Variants in NRG1 observed in about 807,000 individuals in gnomAD.
NRG1 encodes the protein neuregulin 1.
NRG1 carries 18 observed loss-of-function variants against 63.8 expected under a neutral mutation model. That is an observed-to-expected ratio of 0.28 (90% CI 0.19 to 0.42). NRG1 has a LOEUF of 0.42. Among genes scored for constraint, NRG1 ranks in the 10% least tolerant of loss-of-function variants. The probability of loss-of-function intolerance (pLI) is 1.00; values close to 1 mark genes in which losing one functional copy is unlikely to be tolerated. For missense variants in NRG1, 762 were observed against 814.7 expected (o/e 0.94, Z 0.79); for synonymous variants, 302 against 301.3 (o/e 1.00, Z -0.02).
intron 1 of NRG1, among the ~76,000 whole-genome samples, chr8:32,585,634 A>G (rs1414218554): frequency 6.6e-6 from 1 of 152,200 alleles, no homozygotes; most frequent in Non-Finnish European, 1.5e-5. Context: ...CATATGACAG[A>G]TAGACAGCTG....
At chr8:31,724,335 AATC>A (rs2131321429) in intron 1 of NRG1, among the ~76,000 whole-genome samples, 1 of 152,250 alleles carries the variant, frequency 6.6e-6, no homozygotes, top group African/African-American at 2.4e-5. Context: ...ACCCTGTCAG[AATC>A]ATCTACTGTA....
chr8:31,956,539 G>A (rs1319959097), intron 1 of NRG1, among the ~76,000 whole-genome samples: 1 of 152,126 alleles, frequency 6.6e-6, no homozygotes, highest in Non-Finnish European at 1.5e-5. Context: ...CACGGGAATG[G>A]TGTGAACCCA....
At chr8:31,657,684 T>G (rs1432064306) in intron 1 of NRG1, among the ~76,000 whole-genome samples, 1 of 152,234 alleles carries the variant, frequency 6.6e-6, no homozygotes, top group Non-Finnish European at 1.5e-5. Flanking sequence ...TAGAATTTAC[T>G]GAGTTTCTAT....
intron 1 of NRG1, among the ~76,000 whole-genome samples, chr8:32,401,576 C>G (rs771032360): frequency 6.6e-6 from 1 of 152,094 alleles, no homozygotes; most frequent in Non-Finnish European, 1.5e-5. Context: ...GAGTTCATGT[C>G]CTTTGAAGAA....
chr8:31,898,291 C>A (rs1321007783), intron 1 of NRG1, among the ~76,000 whole-genome samples: 1 of 152,132 alleles, frequency 6.6e-6, no homozygotes, highest in Non-Finnish European at 1.5e-5. Flanking sequence ...GAGTTTGACT[C>A]TTTGACAACT....
chr8:32,109,783 A>ATATG (rs1831765291), intron 1 of NRG1, among the ~76,000 whole-genome samples: 1 of 152,174 alleles, frequency 6.6e-6, no homozygotes, highest in Non-Finnish European at 1.5e-5. Context: ...GATATTAATA[A>ATATG]TATGACCTTT....
chr8:32,401,378 T>C (rs1479861317), intron 1 of NRG1, among the ~76,000 whole-genome samples: 1 of 152,148 alleles, frequency 6.6e-6, no homozygotes, highest in Non-Finnish European at 1.5e-5. Flanking sequence ...AGTACCCCAT[T>C]CCCTGTTCCT....
At chr8:32,446,814 G>T (rs543990912) in intron 1 of NRG1, among the ~76,000 whole-genome samples, 1 of 152,066 alleles carries the variant, frequency 6.6e-6, no homozygotes, top group South Asian at 2.1e-4. Context: ...TGAATAAAAG[G>T]CTTAAGAGGA....
At chr8:31,703,598 G>A (rs1810843365) in intron 1 of NRG1, among the ~76,000 whole-genome samples, 1 of 152,294 alleles carries the variant, frequency 6.6e-6, no homozygotes, top group East Asian at 1.9e-4. Flanking sequence ...AAATGTATGA[G>A]CTATTAGCAC....
chr8:32,196,245 C>T (rs144142018), intron 1 of NRG1, among the ~76,000 whole-genome samples: 143 of 151,832 alleles, frequency 9.4e-4, no homozygotes, highest in South Asian at 2.1e-3. Context: ...GTGCTCTAGA[C>T]AGTCATGATA....
intron 5 of NRG1, among the ~76,000 whole-genome samples, chr8:32,703,997 C>A (rs1361906091): frequency 6.6e-6 from 1 of 152,178 alleles, no homozygotes; most frequent in Non-Finnish European, 1.5e-5. Context: ...ATATGCTGAA[C>A]AAGCACTTAC....
chr8:32,125,271 A>G (rs1212372908), intron 1 of NRG1, among the ~76,000 whole-genome samples: 3 of 151,966 alleles, frequency 2.0e-5, no homozygotes, highest in Non-Finnish European at 2.9e-5. Context: ...ATGAAGCCAG[A>G]CAGAAAAATT....
chr8:31,684,687 A>G (rs955641394), intron 1 of NRG1, among the ~76,000 whole-genome samples: 1 of 152,060 alleles, frequency 6.6e-6, no homozygotes, highest in Non-Finnish European at 1.5e-5. Context: ...CTTTTTTTCA[A>G]CGTGTGATGT....
intron 1 of NRG1, among the ~76,000 whole-genome samples, chr8:32,472,330 C>A (rs866367948): frequency 6.6e-6 from 1 of 152,260 alleles, no homozygotes; most frequent in Non-Finnish European, 1.5e-5. Flanking sequence ...CCATGACACC[C>A]TGCTAATTTT....
chr8:32,064,602 A>G (rs780929567), intron 1 of NRG1, among the ~76,000 whole-genome samples: 33 of 152,194 alleles, frequency 2.2e-4, no homozygotes, highest in Non-Finnish European at 2.4e-4. Context: ...CTTGGTAAGA[A>G]AAGTCTTTTT....
intron 1 of NRG1, among the ~76,000 whole-genome samples, chr8:31,924,873 A>C (rs979346493): frequency 6.6e-6 from 1 of 151,760 alleles, no homozygotes; most frequent in Non-Finnish European, 1.5e-5. Flanking sequence ...TTATTTAAAA[A>C]ATATGTTGCT....
chr8:32,407,672 C>T (rs1475717893), intron 1 of NRG1, among the ~76,000 whole-genome samples: 8 of 152,070 alleles, frequency 5.3e-5, no homozygotes, highest in African/African-American at 1.9e-4. Flanking sequence ...GTACATATGT[C>T]CAACACTGCC....
At chr8:32,257,726 A>G (rs532700682) in intron 1 of NRG1, among the ~76,000 whole-genome samples, 1 of 152,280 alleles carries the variant, frequency 6.6e-6, no homozygotes, top group South Asian at 2.1e-4. Context: ...CTATAACTTC[A>G]TAAAAGGGGC....
intron 5 of NRG1, among the ~76,000 whole-genome samples, chr8:32,617,831 T>C (rs1847650148): frequency 6.6e-6 from 1 of 152,204 alleles, no homozygotes; most frequent in South Asian, 2.1e-4. Context: ...TTAAGTTGTT[T>C]TGTCAATCTG....
Sources: allele counts gnomAD v4.1 joint callset (sites outside exome capture counted in the v4.1 genomes callset), GRCh38; gene constraint gnomAD v4.1.1; transcripts MANE v1.5; gene names NCBI Gene and HGNC (gene_info 2026-07-23, HGNC 2026-07-21).